Variants in AKT3 observed in about 807,000 individuals in gnomAD.
The protein encoded by AKT3 is RAC-gamma serine/threonine-protein kinase.
In AKT3, 15 loss-of-function variants were observed where a neutral mutation model predicts 65.3. The ratio of observed to expected loss-of-function variants is 0.23; its 90% CI spans 0.15 to 0.35. The LOEUF (loss-of-function observed/expected upper bound fraction) is 0.35. AKT3 is among the 10% of genes least tolerant of loss of function. The probability of loss-of-function intolerance (pLI) is 1.00; values close to 1 mark genes in which losing one functional copy is unlikely to be tolerated. For missense variants in AKT3, 243 were observed against 576.5 expected (o/e 0.42, Z 5.92); for synonymous variants, 206 against 183.8 (o/e 1.12, Z -0.98).
intron 12 of AKT3, among the ~76,000 whole-genome samples, chr1:243,535,174 A>AATAATTTTAAAATAT (rs1179391272): frequency 1.6e-5 from 2 of 123,928 alleles, no homozygotes; most frequent in African/African-American, 7.8e-5. Context: ...ATATATTTAA[A>AATAATTTTAAAATAT]ATTTTAAAAT....
At chr1:243,662,306 C>G (rs1347541825) in intron 4 of AKT3, among the ~76,000 whole-genome samples, 2 of 151,932 alleles carry the variant, frequency 1.3e-5, no homozygotes, top group Non-Finnish European at 2.9e-5. Context: ...GGAACCAACC[C>G]AAATGTCCAA....
At chr1:243,540,147 AAAG>A (rs1214854859) in intron 12 of AKT3, among the ~76,000 whole-genome samples, 1 of 152,288 alleles carries the variant, frequency 6.6e-6, no homozygotes, top group East Asian at 1.9e-4. Context: ...CATTTTAGGA[AAAG>A]AAGATGACAT....
At chr1:243,555,060 G>T (rs1475139562) in intron 10 of AKT3, among the ~76,000 whole-genome samples, 1 of 151,974 alleles carries the variant, frequency 6.6e-6, no homozygotes, top group Non-Finnish European at 1.5e-5. Flanking sequence ...AATGAATATC[G>T]ATTCTTAAAA....
intron 9 of AKT3, among the ~76,000 whole-genome samples, chr1:243,570,102 T>G (rs1674451689): frequency 6.6e-6 from 1 of 152,246 alleles, no homozygotes; most frequent in African/African-American, 2.4e-5. Flanking sequence ...TCTGTTGCTA[T>G]AAACACTAAT....
At chr1:243,830,598 G>GA (rs1274409643) in intron 2 of AKT3, among the ~76,000 whole-genome samples, 1 of 152,122 alleles carries the variant, frequency 6.6e-6, no homozygotes, top group East Asian at 1.9e-4. Context: ...GTTAAATAAT[G>GA]AAACAGATAC....
chr1:243,689,538 G>A (rs913997696), intron 3 of AKT3, among the ~76,000 whole-genome samples: 9 of 146,730 alleles, frequency 6.1e-5, no homozygotes, highest in African/African-American at 1.8e-4. Context: ...TGCCCAGGCC[G>A]GTCTCAAACG....
chr1:243,694,879 T>C (rs929997850), intron 3 of AKT3, among the ~76,000 whole-genome samples: 3 of 151,984 alleles, frequency 2.0e-5, no homozygotes, highest in Non-Finnish European at 4.4e-5. Context: ...AGCTTAATAA[T>C]ACAGACGAGC....
intron 2 of AKT3, among the ~76,000 whole-genome samples, chr1:243,718,938 A>G (rs1322034451): frequency 1.3e-5 from 2 of 152,198 alleles, no homozygotes; most frequent in African/African-American, 4.8e-5. Context: ...GCACAAAACA[A>G]GCCATAATCC....
chr1:243,823,991 C>A (rs1344726281), intron 2 of AKT3, among the ~76,000 whole-genome samples: 1 of 152,152 alleles, frequency 6.6e-6, no homozygotes, highest in Non-Finnish European at 1.5e-5. Flanking sequence ...AGGCATCACA[C>A]TACCTGACTT....
intron 2 of AKT3, among the ~76,000 whole-genome samples, chr1:243,697,414 A>G (rs1363554620): frequency 6.6e-6 from 1 of 152,022 alleles, no homozygotes; most frequent in Non-Finnish European, 1.5e-5. Flanking sequence ...AGGGAAAAAT[A>G]TTCAGATAGT....
intron 2 of AKT3, among the ~76,000 whole-genome samples, chr1:243,826,725 C>A (rs574446779): frequency 8.5e-5 from 13 of 152,288 alleles, no homozygotes; most frequent in African/African-American, 3.1e-4. Flanking sequence ...CCCACCTATA[C>A]CCTTAAGTGG....
Position 243,843,227 on chromosome 1 carries a change from T to C in AKT3, c.-57A>G, listed in dbSNP as rs2148477725. The stretch of plus-strand genomic sequence containing the variant: ...AAATGGTACTTTGTGATATCAGCTT[T>C]AGGGTTTGGATTCTCTGCTGCTGCT... On this transcript the variant is annotated 5_prime_UTR_variant, in exon 2 of 14. Transcript: ENST00000673466. 6.3e-7 allele frequency: 1 copy of C among 1,589,264 alleles called. No individual in the cohort carries two copies. The highest frequency in any genetic ancestry group is 1.7e-5 in the Admixed American group (1 of 58,280).
intron 8 of AKT3, among the ~76,000 whole-genome samples, chr1:243,603,578 CTTTCCTCACATTGGATA>C (rs1215927730): frequency 1.3e-5 from 2 of 152,168 alleles, no homozygotes; most frequent in African/African-American, 4.8e-5. Context: ...ACTGTACATA[CTTTCCTCACATTGGATA>C]TTTCCTCACT....
intron 7 of AKT3, 48 bp from the exon 8 acceptor site, chr1:243,613,787 TATA>T (rs754609689): frequency 4.3e-6 from 5 of 1,175,820 alleles, no homozygotes; most frequent in Non-Finnish European, 6.0e-6. Flanking sequence ...CCTGTATTCT[TATA>T]ATTATAATAG....
intron 2 of AKT3, among the ~76,000 whole-genome samples, chr1:243,808,400 C>T (rs1320946686): frequency 1.3e-5 from 2 of 151,868 alleles, no homozygotes; most frequent in Non-Finnish European, 2.9e-5. Flanking sequence ...CTTCAGTAGC[C>T]GATTCGATCA....
At chr1:243,795,470 T>TTTG (rs1691922627) in intron 2 of AKT3, among the ~76,000 whole-genome samples, 1 of 101,210 alleles carries the variant, frequency 9.9e-6, no homozygotes, top group South Asian at 3.2e-4. Flanking sequence ...TTGTTTTTTT[T>TTTG]TTTTGGTTTT....
Position 243,702,076 on chromosome 1 carries a change from TATTTACAGAGGGAGAGAGCCATAGA to T in AKT3, c.47-6385_47-6361del, listed in dbSNP as rs1487983303. Among the ~76,000 whole-genome samples, 7 of 143,352 alleles carry T rather than the reference TATTTACAGAGGGAGAGAGCCATAGA, an allele frequency of 4.9e-5. No homozygotes were observed. In the South Asian group the frequency reaches 1.6e-3, roughly 32 times the overall value. The allele number at this position is 143,352 out of a possible 152,430, so 94.0% of individuals were successfully genotyped here. A position where few individuals can be genotyped will look rare whatever the true frequency, so the allele number is the denominator to read the frequency against. On this transcript the variant is annotated intron_variant, in intron 2 of 13. Coordinates refer to ENST00000673466, the MANE Select transcript of AKT3 (RefSeq NM_005465.7). ...AAATAACCTCTTTCGCAATCTTTAT[TATTTACAGAGGGAGAGAGCCATAGA>T]ATTTATGCAAAAAAAAAAAAAAAAA...
At chr1:243,651,754 G>A (rs772001903) in intron 4 of AKT3, among the ~76,000 whole-genome samples, 16 of 152,086 alleles carry the variant, frequency 1.1e-4, no homozygotes, top group African/African-American at 3.1e-4. Context: ...TGACTTGATC[G>A]TGGTGGATAA....
intron 6 of AKT3, among the ~76,000 whole-genome samples, chr1:243,636,628 G>A (rs941350179): frequency 6.6e-6 from 1 of 151,984 alleles, no homozygotes; most frequent in African/African-American, 2.4e-5. Flanking sequence ...GCTTCTACCT[G>A]GTAACTGTCA....
Sources: allele counts gnomAD v4.1 joint callset (sites outside exome capture counted in the v4.1 genomes callset), GRCh38; gene constraint gnomAD v4.1.1; transcripts MANE v1.5; gene names NCBI Gene and HGNC (gene_info 2026-07-23, HGNC 2026-07-21).